SULT1C3: variants seen among roughly 807,000 people sequenced by gnomAD.
The protein encoded by SULT1C3 is sulfotransferase 1C3.
Under a neutral mutation model 28.4 loss-of-function variants are expected in SULT1C3, and 31 were observed. The ratio of observed to expected loss-of-function variants is 1.09; its 90% CI spans 0.82 to 1.47. SULT1C3 has a LOEUF of 1.47. SULT1C3 is among the 40% of genes most tolerant of loss of function. The pLI is 0.00. For missense variants in SULT1C3, 307 were observed against 272.5 expected, an observed-to-expected ratio of 1.13 and a Z score of -0.89; for synonymous variants, 106 against 92.2, an observed-to-expected ratio of 1.15 and a Z score of -0.86.
intron 1 of SULT1C3, among the ~76,000 whole-genome samples, chr2:108,241,295 C>A (rs1231828330): frequency 6.6e-6 from 1 of 152,206 alleles, no homozygotes; most frequent in Non-Finnish European, 1.5e-5. Flanking sequence ...ATTATTGTCA[C>A]ACTGATGCAA....
chr2:108,260,707 G>C lies in SULT1C3; in HGVS notation c.*27G>C, dbSNP rs1357162405. 1 of 457,908 alleles carries C rather than the reference G, an allele frequency of 2.2e-6. No homozygotes were observed. The highest frequency in any genetic ancestry group is 4.4e-6 in the Non-Finnish European group (1 of 227,504). The allele number at this position is 457,908 out of a possible 1,614,324, so 28.4% of individuals were successfully genotyped here. ...AGGAACAACAACAAACTAGGTGACAGAGACTATGCCAACTATTTCGCCTTT... is the reference window on the plus strand; with the variant it reads ...AGGAACAACAACAAACTAGGTGACACAGACTATGCCAACTATTTCGCCTTT... On this transcript the variant is annotated 3_prime_UTR_variant, in exon 8 of 8. Coordinates refer to ENST00000681802, the MANE Select transcript of SULT1C3 (RefSeq NM_001320878.2).
In SULT1C3 at chr2:108,255,701, G is replaced by A; in HGVS notation, c.526+3G>A. The A allele has an allele frequency of 6.2e-7, 1 of 1,609,406 alleles. No individual in the cohort carries two copies. The highest frequency in any genetic ancestry group is 8.5e-7 in the Non-Finnish European group (1 of 1,177,064). On this transcript the variant is annotated splice_donor_region_variant and intron_variant, in intron 5 of 7. Coordinates refer to ENST00000681802, the MANE Select transcript of SULT1C3 (RefSeq NM_001320878.2). ...TGAGAAATTCATGTCCGGAAAAGGT[G>A]AGTTCAAACTGATCTTTTTGGTACC... is the stretch of plus-strand genomic sequence containing the variant.
chr2:108,262,281 G>A (rs996157573), downstream of SULT1C3, among the ~76,000 whole-genome samples: 1 of 152,270 alleles, frequency 6.6e-6, no homozygotes, highest in East Asian at 1.9e-4. Context: ...TACTGTCAGA[G>A]TCCACAGTCT....
At position 108,253,340 on chromosome 2, in the gene SULT1C3, G is replaced by C; in HGVS notation, c.302-5G>C. ...AAACAAAGAATATAAATTGTTTCTTGCTAGATTTGGAGTTCGTTCTTGAAA... is the reference window on the plus strand; with the variant it reads ...AAACAAAGAATATAAATTGTTTCTTCCTAGATTTGGAGTTCGTTCTTGAAA... On this transcript the variant is annotated splice_region_variant and splice_polypyrimidine_tract_variant and intron_variant, in intron 3 of 7. Coordinates refer to ENST00000681802, the MANE Select transcript of SULT1C3 (RefSeq NM_001320878.2). The C allele has an allele frequency of 6.6e-7, 1 of 1,510,138 alleles. No homozygotes were observed. The highest frequency in any genetic ancestry group is 1.4e-5 in the South Asian group (1 of 71,580). 93.5% of individuals were successfully genotyped at this position (1,510,138 alleles called of 1,614,324 possible). A position where few individuals can be genotyped will look rare whatever the true frequency, so the allele number is the denominator to read the frequency against.
chr2:108,249,309 A>G (rs779568912), intron 2 of SULT1C3, among the ~76,000 whole-genome samples: 86 of 152,208 alleles, frequency 5.7e-4, no homozygotes, highest in Non-Finnish European at 9.9e-4. Flanking sequence ...ATATTAAAAT[A>G]TTACTAAAAA....
chr2:108,246,501 G>A (rs1201094268), intron 1 of SULT1C3, among the ~76,000 whole-genome samples: 2 of 152,018 alleles, frequency 1.3e-5, no homozygotes, highest in African/African-American at 4.8e-5. Context: ...CTTATAATGG[G>A]TGGGGACACA....
At chr2:108,261,919 G>C (rs1160209633), downstream of SULT1C3, among the ~76,000 whole-genome samples, 2 of 152,122 alleles carry the variant, frequency 1.3e-5, no homozygotes, top group African/African-American at 4.8e-5. Context: ...GAGATTTTAA[G>C]AAAAGAGAGC....
rs116987203 is a variant in SULT1C3, at chr2:108,243,353, C to T, written c.-8+3270C>T. The stretch of plus-strand genomic sequence containing the variant: ...CCTTCTTAAGATATGTTTCCAGGGC[C>T]GGGCGCGGTGGCTCACACCTGTAAT... On this transcript the variant is annotated intron_variant, in intron 1 of 7. Transcript: ENST00000681802. Among the ~76,000 whole-genome samples, 435 of 152,190 alleles carry T rather than the reference C, an allele frequency of 2.9e-3. 7 individuals are homozygous for T. The East Asian group carries it at 0.029, about 10-fold the overall frequency.
At position 108,243,060 on chromosome 2, in the gene SULT1C3, AAAAGT is replaced by A. The variant is rs200431193; in HGVS notation, c.-8+2980_-8+2984del. Among the ~76,000 whole-genome samples, 211 of 152,318 alleles carry A rather than the reference AAAAGT, an allele frequency of 1.4e-3. 2 individuals are homozygous for A. Among genetic ancestry groups the A allele is most frequent in the Middle Eastern group, 6.8e-3 (2 of 294 alleles). ...AGATTTTTGACTTTTCAATTTTACA[AAAAGT>A]AACCTTACAGGTGAAACCAATGAGC... On this transcript the variant is annotated intron_variant, in intron 1 of 7. Transcript: ENST00000681802.
chr2:108,264,986 C>G, downstream of SULT1C3: 1 of 1,611,640 alleles, frequency 6.2e-7, no homozygotes, highest in Non-Finnish European at 8.5e-7. Context: ...ACCACTCCAT[C>G]TCCCCTTTTA....
intron 5 of SULT1C3, among the ~76,000 whole-genome samples, chr2:108,257,734 G>A (rs1558665881): frequency 6.6e-6 from 1 of 152,012 alleles, no homozygotes. Flanking sequence ...ACACATCTAT[G>A]TATAGGAAAA....
downstream of SULT1C3, among the ~76,000 whole-genome samples, chr2:108,263,229 T>G (rs1225340587): frequency 6.6e-6 from 1 of 152,158 alleles, no homozygotes; most frequent in Non-Finnish European, 1.5e-5. Context: ...TAATCCTAAC[T>G]GGGTACTGTT....
Position 108,253,356 on chromosome 2 carries a change from G to T in SULT1C3, c.313G>T (p.Val105Phe). ...PHKEKPDLEF[V>F]LEMSSPQLIK... ...TTGTTTCTTGCTAGATTTGGAGTTC[G>T]TTCTTGAAATGTCCTCACCACAACT... is the stretch of plus-strand genomic sequence containing the variant. Residue 105 changes from valine (V) to phenylalanine (F), a missense_variant, in exon 4 of 8, where the codon GTT becomes TTT. By Grantham distance (50) the Val-to-Phe change is conservative. Coordinates refer to ENST00000681802, the MANE Select transcript of SULT1C3 (RefSeq NM_001320878.2). 1 of 1,539,178 alleles carries T rather than the reference G, an allele frequency of 6.5e-7. No individual in the cohort carries two copies. Among genetic ancestry groups the T allele is most frequent in the Non-Finnish European group, 8.7e-7 (1 of 1,145,154 alleles).
At chr2:108,252,639 C>A (rs1308728072) in intron 3 of SULT1C3, 146 bp downstream of exon 3, 1 of 938,406 alleles carries the variant, frequency 1.1e-6, no homozygotes, top group African/African-American at 1.7e-5. Flanking sequence ...CAATCAAACT[C>A]TAGATTGGGT....
At chr2:108,253,498 C>A in intron 4 of SULT1C3, 56 bp downstream of exon 4, 1 of 874,256 alleles carries the variant, frequency 1.1e-6, no homozygotes, top group South Asian at 3.3e-5. Flanking sequence ...AACTATACAA[C>A]TGAAGATATC....
chr2:108,259,830 A>G (rs1331432684), intron 7 of SULT1C3, among the ~76,000 whole-genome samples: 2 of 152,150 alleles, frequency 1.3e-5, no homozygotes, highest in Non-Finnish European at 2.9e-5. Flanking sequence ...ACAAGAAAGT[A>G]AAGTGGAAGC....
At chr2:108,246,564 A>G (rs1282690754) in intron 1 of SULT1C3, among the ~76,000 whole-genome samples, 2 of 152,180 alleles carry the variant, frequency 1.3e-5, no homozygotes, top group Admixed American at 6.5e-5. Context: ...GTTAGTAGAC[A>G]TGAGAGTTTT....
chr2:108,262,738 C>T (rs563147490), downstream of SULT1C3, among the ~76,000 whole-genome samples: 41 of 152,234 alleles, frequency 2.7e-4, 1 homozygote, highest in African/African-American at 8.9e-4. Context: ...TATAGTTTGC[C>T]CCATGGCCTC....
intron 1 of SULT1C3, among the ~76,000 whole-genome samples, chr2:108,241,926 C>CAAA (rs201006604): frequency 2.0e-5 from 2 of 101,086 alleles, no homozygotes; most frequent in African/African-American, 3.3e-5. Context: ...GACTCCATCT[C>CAAA]AAAAAAAAAA....
Sources: gnomAD v4.1 joint callset for allele counts (sites outside exome capture counted in the v4.1 genomes callset) on GRCh38, gnomAD v4.1.1 for gene constraint, MANE v1.5 for transcripts, NCBI Gene and HGNC (gene_info 2026-07-23, HGNC 2026-07-21) for gene names.